SND1: variants seen among roughly 807,000 people sequenced by gnomAD.
SND1 encodes staphylococcal nuclease domain-containing protein 1.
In SND1, 38 loss-of-function variants were observed where a neutral mutation model predicts 121.7. The observed-to-expected ratio is 0.31, with a 90% CI of 0.24 to 0.41. The LOEUF (loss-of-function observed/expected upper bound fraction) is 0.41, where lower values mean the gene tolerates loss of function less well. SND1 is among the 10% of genes least tolerant of loss of function. The pLI is 1.00. For missense variants in SND1, 868 were observed against 1,184.6 expected, an observed-to-expected ratio of 0.73 and a Z score of 3.92; for synonymous variants, 401 against 447.4, an observed-to-expected ratio of 0.90 and a Z score of 1.31.
chr7:127,964,331 C>T (rs375420364), intron 15 of SND1, among the ~76,000 whole-genome samples: 39 of 145,390 alleles, frequency 2.7e-4, no homozygotes, highest in Middle Eastern at 7.1e-3. Flanking sequence ...TCCTTGCCCA[C>T]GCCTATGTCC....
chr7:127,908,781 G>A lies in SND1; in HGVS notation c.1527+3962G>A, dbSNP rs1169301005. On this transcript the variant is annotated intron_variant, in intron 14 of 23. Coordinates refer to ENST00000354725, the MANE Select transcript of SND1 (RefSeq NM_014390.4). ...TGTGTGTCAGTGTTCTTTATCTCAGGTTTCTCAGCTGTTCTTTATCTTAGG... is the reference window on the plus strand; with the variant it reads ...TGTGTGTCAGTGTTCTTTATCTCAGATTTCTCAGCTGTTCTTTATCTTAGG... Among the ~76,000 whole-genome samples the A allele has an allele frequency of 3.3e-5, 5 of 152,212 alleles. No individual in the cohort carries two copies. In the East Asian group the frequency reaches 9.6e-4, roughly 29 times the overall value.
chr7:127,946,408 T>C (rs1360868358), intron 15 of SND1, among the ~76,000 whole-genome samples: 1 of 152,212 alleles, frequency 6.6e-6, no homozygotes, highest in Non-Finnish European at 1.5e-5. Flanking sequence ...TTATAAATTA[T>C]TCAGCTACTT....
intron 11 of SND1, among the ~76,000 whole-genome samples, chr7:127,841,244 A>C (rs778034365): frequency 2.0e-4 from 31 of 152,080 alleles, no homozygotes; most frequent in Non-Finnish European, 3.7e-4. Flanking sequence ...TGGGAGGCAC[A>C]AGGTAACCTT....
intron 1 of SND1, among the ~76,000 whole-genome samples, chr7:127,680,369 G>T (rs4728077): frequency 0.11 from 17,065 of 152,072 alleles, 1,174 homozygotes; most frequent in Admixed American, 0.22. Context: ...TATTAGGTGG[G>T]AATTTCCTCG....
At chr7:127,656,387 A>G (rs1252921660) in intron 1 of SND1, among the ~76,000 whole-genome samples, 1 of 138,330 alleles carries the variant, frequency 7.2e-6, no homozygotes, top group Non-Finnish European at 1.5e-5. Flanking sequence ...CAGTGGCGCT[A>G]TCTTGGCTCA....
rs544988661 is a variant in SND1, at chr7:127,652,505, G to A, written c.78+54G>A. On this transcript the variant is annotated intron_variant, in intron 1 of 23. Transcript: ENST00000354725. ...TCTGCCTGCCTTCGGGCGGGAGTCA[G>A]GCATTGACTCCACCTTCCGCCAGCC... 452 of 1,404,046 alleles carry A rather than the reference G, an allele frequency of 3.2e-4. No individual in the cohort carries two copies. In the African/African-American group the frequency reaches 5.8e-3, roughly 18 times the overall value. 87.0% of individuals were successfully genotyped at this position (1,404,046 alleles called of 1,614,324 possible).
At chr7:127,738,713 A>G (rs1796824542) in intron 10 of SND1, among the ~76,000 whole-genome samples, 1 of 152,134 alleles carries the variant, frequency 6.6e-6, no homozygotes, top group Non-Finnish European at 1.5e-5. Context: ...TCTTCCTCTC[A>G]GAGAGGATCA....
At chr7:127,770,340 A>G (rs1797492454) in intron 10 of SND1, among the ~76,000 whole-genome samples, 1 of 152,240 alleles carries the variant, frequency 6.6e-6, no homozygotes, top group Admixed American at 6.5e-5. Context: ...AGAGGCACAC[A>G]AGTAAAATAA....
At chr7:127,656,895 A>G (rs746156432) in intron 1 of SND1, among the ~76,000 whole-genome samples, 13 of 152,242 alleles carry the variant, frequency 8.5e-5, no homozygotes, top group African/African-American at 4.8e-5. Flanking sequence ...ATGAAGAAGT[A>G]GATAGGCTAG....
intron 23 of SND1, 47 bp downstream of exon 23, chr7:128,091,928 T>G (rs1445409363): frequency 2.5e-6 from 4 of 1,613,668 alleles, no homozygotes; most frequent in Non-Finnish European, 2.5e-6. Flanking sequence ...AGTTGAGGGG[T>G]TTGGCCCTCT....
chr7:127,792,752 G>C (rs1419433326), intron 10 of SND1, among the ~76,000 whole-genome samples: 1 of 152,196 alleles, frequency 6.6e-6, no homozygotes, highest in Non-Finnish European at 1.5e-5. Flanking sequence ...GATTGGTTCT[G>C]ATGAATCTGA....
At chr7:127,967,812 C>T (rs1801890110) in intron 15 of SND1, among the ~76,000 whole-genome samples, 1 of 152,204 alleles carries the variant, frequency 6.6e-6, no homozygotes, top group Non-Finnish European at 1.5e-5. Flanking sequence ...CATTAGCTCT[C>T]TCATCACCAG....
At chr7:127,956,678 T>G (rs1801600653) in intron 15 of SND1, among the ~76,000 whole-genome samples, 1 of 152,188 alleles carries the variant, frequency 6.6e-6, no homozygotes, top group Non-Finnish European at 1.5e-5. Flanking sequence ...AGCTACAGTT[T>G]AGGGCACATT....
intron 17 of SND1, among the ~76,000 whole-genome samples, chr7:128,077,035 T>G (rs568145846): frequency 1.3e-5 from 2 of 152,290 alleles, no homozygotes; most frequent in African/African-American, 4.8e-5. Flanking sequence ...AGATGGCAGA[T>G]GCCTGTCCCC....
At chr7:127,752,228 C>T (rs1797108875) in intron 10 of SND1, among the ~76,000 whole-genome samples, 1 of 151,978 alleles carries the variant, frequency 6.6e-6, no homozygotes, top group African/African-American at 2.4e-5. Flanking sequence ...TTTTATTTCA[C>T]TCTCTGTGGT....
chr7:127,721,427 C>T (rs1796494405), intron 10 of SND1, 27 bp downstream of exon 10: 1 of 1,373,388 alleles, frequency 7.3e-7, no homozygotes, highest in African/African-American at 1.4e-5. Context: ...AGCCGCGCCT[C>T]TTTGCATAAA....
chr7:128,068,989 C>T (rs922348398), intron 16 of SND1, among the ~76,000 whole-genome samples: 2 of 152,254 alleles, frequency 1.3e-5, no homozygotes, highest in Non-Finnish European at 1.5e-5. Context: ...GGTCCAGCGT[C>T]GAGCTGCTCT....
intron 11 of SND1, among the ~76,000 whole-genome samples, chr7:127,819,871 C>A (rs1798516204): frequency 6.6e-6 from 1 of 152,208 alleles, no homozygotes; most frequent in Non-Finnish European, 1.5e-5. Context: ...GTGTCACACA[C>A]AAACCCCTGA....
intron 16 of SND1, among the ~76,000 whole-genome samples, chr7:128,072,090 G>A (rs1793423008): frequency 6.6e-6 from 1 of 152,252 alleles, no homozygotes; most frequent in Non-Finnish European, 1.5e-5. Flanking sequence ...AGAAAGGCGA[G>A]CATGTGGATT....
Sources: gnomAD v4.1 joint callset for allele counts (sites outside exome capture counted in the v4.1 genomes callset) on GRCh38, gnomAD v4.1.1 for gene constraint, MANE v1.5 for transcripts, NCBI Gene and HGNC (gene_info 2026-07-23, HGNC 2026-07-21) for gene names.